The following A2ML1 variants were observed in gnomAD, a reference collection of about 807,000 sequenced individuals.
A2ML1 encodes the protein alpha-2-macroglobulin-like protein 1.
A2ML1 carries 161 observed loss-of-function variants against 181.9 expected under a neutral mutation model. The ratio of observed to expected loss-of-function variants is 0.89; its 90% CI spans 0.78 to 1.01. The LOEUF (loss-of-function observed/expected upper bound fraction) is 1.01. A2ML1 is among the 50% of genes least tolerant of loss of function. A2ML1 has a pLI of 0.00. For missense variants in A2ML1, 1,670 were observed against 1,768.1 expected, an observed-to-expected ratio of 0.94 and a Z score of 1.00; for synonymous variants, 663 against 666.8, an observed-to-expected ratio of 0.99 and a Z score of 0.09.
intron 12 of A2ML1, chr12:8,845,016 G>T: frequency 7.0e-7 from 1 of 1,427,294 alleles, no homozygotes; most frequent in East Asian, 2.5e-5. Context: ...TGTCAGAAGG[G>T]CTCAGGGTGG....
At chr12:8,864,040 C>T in intron 29 of A2ML1, 32 bp downstream of exon 29, 1 of 1,586,878 alleles carries the variant, frequency 6.3e-7, no homozygotes, top group Non-Finnish European at 8.6e-7. Flanking sequence ...TGCCACTTAT[C>T]AGGTAGAATT....
At chr12:8,847,249 A>G (rs1188101900) in intron 14 of A2ML1, among the ~76,000 whole-genome samples, 96 of 98,702 alleles carry the variant, frequency 9.7e-4, no homozygotes, top group African/African-American at 4.4e-3. Context: ...CTCTATTAAA[A>G]AAAAAAAAAA....
chr12:8,832,748 T>C (rs1316263122), intron 4 of A2ML1, among the ~76,000 whole-genome samples: 3 of 151,994 alleles, frequency 2.0e-5, no homozygotes, highest in Non-Finnish European at 4.4e-5. Flanking sequence ...GTACCTAAGG[T>C]GAGAGGAGTG....
At position 8,852,044 on chromosome 12, in the gene A2ML1, A is replaced by C; in HGVS notation, c.2463+32A>C. The C allele has an allele frequency of 6.2e-7, 1 of 1,606,502 alleles. No individual in the cohort carries two copies. The highest frequency in any genetic ancestry group is 8.5e-7 in the Non-Finnish European group (1 of 1,173,516). ...GCTGGGGATACAGGAATCAGGTGTC[A>C]GCCCTGGAATCACACCTCCCCCATA... On this transcript the variant is annotated intron_variant, in intron 19 of 35. Coordinates refer to ENST00000299698, the MANE Select transcript of A2ML1 (RefSeq NM_144670.6). The surrounding 1 kb of genome is among the most constrained non-coding windows in gnomAD (Gnocchi z 4.2).
chr12:8,861,640 A>G (rs1007603118), intron 28 of A2ML1, among the ~76,000 whole-genome samples: 2 of 151,596 alleles, frequency 1.3e-5, no homozygotes, highest in Admixed American at 1.3e-4. Context: ...GGCGCCCACC[A>G]CCACGCCCGG....
At chr12:8,858,428 T>C (rs759572264) in intron 26 of A2ML1, among the ~76,000 whole-genome samples, 2 of 151,816 alleles carry the variant, frequency 1.3e-5, no homozygotes, top group African/African-American at 4.8e-5. Context: ...ACAAAAAAAA[T>C]ATGAAAAATT....
At chr12:8,886,082 A>T (rs1944919769) in intron 7 of A2ML1, among the ~76,000 whole-genome samples, 1 of 151,500 alleles carries the variant, frequency 6.6e-6, no homozygotes, top group African/African-American at 2.4e-5. Context: ...TGGGTAGTAT[A>T]ATCCTCTAGA....
At chr12:8,842,864 G>C (rs1242693702) in intron 11 of A2ML1, among the ~76,000 whole-genome samples, 1 of 152,154 alleles carries the variant, frequency 6.6e-6, no homozygotes, top group Admixed American at 6.5e-5. Flanking sequence ...AGGAATATCT[G>C]TGAAGATACA....
At chr12:8,832,833 TG>T (rs1432006527) in intron 4 of A2ML1, among the ~76,000 whole-genome samples, 1 of 152,152 alleles carries the variant, frequency 6.6e-6, no homozygotes. Flanking sequence ...GTTTTAATTT[TG>T]CAAAGTCAGT....
intron 33 of A2ML1, among the ~76,000 whole-genome samples, chr12:8,872,665 T>C (rs1256253718): frequency 2.6e-5 from 4 of 151,390 alleles, no homozygotes; most frequent in Admixed American, 2.6e-4. Context: ...GTGCCGGTAG[T>C]CCCAGCTACT....
At chr12:8,837,948 A>G (rs1943343527) in intron 8 of A2ML1, among the ~76,000 whole-genome samples, 1 of 151,516 alleles carries the variant, frequency 6.6e-6, no homozygotes, top group South Asian at 2.1e-4. Context: ...GGAAGCAACA[A>G]TCTAGAAAAG....
chr12:8,869,499 A>C (rs1428220996), intron 33 of A2ML1, among the ~76,000 whole-genome samples: 1 of 152,218 alleles, frequency 6.6e-6, no homozygotes, highest in South Asian at 2.1e-4. Flanking sequence ...GGTATATTTT[A>C]TGCAAGCTTA....
rs914822500 is a variant in A2ML1, at chr12:8,860,800, G to A, written c.3265-81G>A. On this transcript the variant is annotated intron_variant, in intron 26 of 35. Transcript: ENST00000299698. Reference sequence around the variant, plus strand: ...TAAAAATTATTCATCTATTCAGAGGGGAGGCTGTTTTGCAATCTGCACATA... The same window carrying A: ...TAAAAATTATTCATCTATTCAGAGGAGAGGCTGTTTTGCAATCTGCACATA... 16 of 1,151,228 alleles carry A rather than the reference G, an allele frequency of 1.4e-5. No homozygotes were observed. The Admixed American group carries it at 1.9e-4, about 14-fold the overall frequency. 71.3% of individuals were successfully genotyped at this position (1,151,228 alleles called of 1,614,324 possible).
At chr12:8,853,936 C>T (rs996274462) in intron 20 of A2ML1, among the ~76,000 whole-genome samples, 192 bp from the exon 21 acceptor site, 4 of 152,172 alleles carry the variant, frequency 2.6e-5, no homozygotes, top group Admixed American at 2.0e-4. Context: ...CCACACTGGA[C>T]TAGCCTCTCT....
At chr12:8,885,680 T>C (rs909382262) in intron 7 of A2ML1, among the ~76,000 whole-genome samples, 3 of 152,142 alleles carry the variant, frequency 2.0e-5, no homozygotes, top group Non-Finnish European at 4.4e-5. Context: ...CCCAGACTGG[T>C]CTCGAACTCC....
chr12:8,833,284 A>G lies in A2ML1; in HGVS notation c.463-1378A>G, dbSNP rs546086547. On this transcript the variant is annotated intron_variant, in intron 4 of 35. Transcript: ENST00000299698. The stretch of plus-strand genomic sequence containing the variant: ...CACCATGCCTGGCCTCAGCAATGCT[A>G]CTTTCCTAGTGAAACACTTATTTTC... 2.6e-5 allele frequency among the ~76,000 whole-genome samples: 4 copies of G among 151,872 alleles called. No homozygotes were observed. The South Asian group carries it at 6.2e-4, about 24-fold the overall frequency.
At chr12:8,856,606 T>C (rs773326962) in intron 23 of A2ML1, among the ~76,000 whole-genome samples, 1 of 152,298 alleles carries the variant, frequency 6.6e-6, no homozygotes, top group South Asian at 2.1e-4. Context: ...GTACATGCAG[T>C]GGTAGAGGAG....
In A2ML1 at chr12:8,857,146, T is replaced by C. The variant is rs1252494207; in HGVS notation, c.2849-18T>C. ...CTTCTCTGTACCCCTACCTTCTCTCTCTCCTTTTGGATCCCAGGAGACATT... is the reference window on the plus strand; with the variant it reads ...CTTCTCTGTACCCCTACCTTCTCTCCCTCCTTTTGGATCCCAGGAGACATT... On this transcript the variant is annotated intron_variant, in intron 23 of 35. Coordinates refer to ENST00000299698, the MANE Select transcript of A2ML1 (RefSeq NM_144670.6). 1 of 1,607,090 alleles carries C rather than the reference T, an allele frequency of 6.2e-7. No homozygotes were observed. The highest frequency in any genetic ancestry group is 8.5e-7 in the Non-Finnish European group (1 of 1,176,510).
chr12:8,846,343 A>G (rs1592129421), intron 14 of A2ML1, 121 bp downstream of exon 14: 2 of 1,117,356 alleles, frequency 1.8e-6, no homozygotes, highest in Non-Finnish European at 2.6e-6. Flanking sequence ...TGGATGTTGT[A>G]TTATATTTAT....
Sources: gnomAD v4.1 joint callset for allele counts (sites outside exome capture counted in the v4.1 genomes callset) on GRCh38, gnomAD v4.1.1 for gene constraint, Gnocchi (gnomAD v3.1) non-coding constraint, MANE v1.5 for transcripts, NCBI Gene and HGNC (gene_info 2026-07-23, HGNC 2026-07-21) for gene names.